The following PGAP1 variants were observed in gnomAD, a reference collection of about 807,000 sequenced individuals.
The protein encoded by PGAP1 is GPI inositol-deacylase.
PGAP1 carries 76 observed loss-of-function variants against 127.0 expected under a neutral mutation model. That is an observed-to-expected ratio of 0.60 (90% CI 0.50 to 0.72). The LOEUF is 0.72. Among genes scored for constraint, PGAP1 ranks in the 30% least tolerant of loss-of-function variants. The probability of loss-of-function intolerance (pLI) is 0.00; values close to 1 mark genes in which losing one functional copy is unlikely to be tolerated. For missense variants in PGAP1, 982 were observed against 1,071.3 expected (o/e 0.92, Z 1.16); for synonymous variants, 362 against 366.5 (o/e 0.99, Z 0.14).
rs181218165 is a variant in PGAP1 at position 196,886,352 on chromosome 2, G to A, written c.1174-472C>T. Among the ~76,000 whole-genome samples the A allele has an allele frequency of 1.1e-3, 166 of 151,894 alleles. 3 individuals carry two copies. Among genetic ancestry groups the A allele is most frequent in the Middle Eastern group, 3.4e-3 (1 of 294 alleles). On this transcript the variant is annotated intron_variant, in intron 10 of 26. Coordinates refer to ENST00000354764, the MANE Select transcript of PGAP1 (RefSeq NM_024989.4). ...ATTTTTGTATTTTTAGTAGAGACGA[G>A]GTTTCACCATGTTGGCCAGGCTGGT...
chr2:196,855,325 C>CAAAAAAAAAAAAAAAAAAAAAAA (rs112534782), intron 20 of PGAP1, among the ~76,000 whole-genome samples: 1 of 67,150 alleles, frequency 1.5e-5, no homozygotes. Context: ...ACTCTGTCAC[C>CAAAAAAAAAAAAAAAAAAAAAAA]AAAAAAAAAA....
At chr2:196,896,056 A>G (rs557195772) in intron 7 of PGAP1, among the ~76,000 whole-genome samples, 5 of 152,224 alleles carry the variant, frequency 3.3e-5, no homozygotes, top group Non-Finnish European at 5.9e-5. Context: ...AATTAAGTTA[A>G]TGGAAAGAAT....
At chr2:196,892,644 T>A (rs1009303714) in intron 8 of PGAP1, among the ~76,000 whole-genome samples, 1 of 152,068 alleles carries the variant, frequency 6.6e-6, no homozygotes, top group East Asian at 1.9e-4. Flanking sequence ...ATTATCAACA[T>A]AGGAAATAAA....
At chr2:196,879,347 C>T (rs1315404486) in intron 13 of PGAP1, among the ~76,000 whole-genome samples, 2 of 152,176 alleles carry the variant, frequency 1.3e-5, no homozygotes, top group Non-Finnish European at 2.9e-5. Context: ...ACTCTTCCCT[C>T]TGCTCCAGTT....
chr2:196,892,507 G>A, intron 8 of PGAP1, 106 bp from the exon 9 acceptor site: 1 of 547,586 alleles, frequency 1.8e-6, no homozygotes, highest in Non-Finnish European at 3.3e-6. Flanking sequence ...CAATAAAGAA[G>A]TGGTTTTCTG....
chr2:196,916,437 G>T lies in PGAP1; in HGVS notation c.458C>A (p.Thr153Lys). ...QTKFVHECIKTILKLYKGQEF... is the reference protein window; with the variant it reads ...QTKFVHECIKKILKLYKGQEF... The stretch of plus-strand genomic sequence containing the variant: ...TCTCACCTTATAGAGTTTGAGAATT[G>T]TTTTAATACATTCATGTACAAACTT... The change falls in exon 3 of 27, where the codon ACA becomes AAA. Residue 153 changes from threonine (T) to lysine (K), a missense_variant. Transcript: ENST00000354764. 6.2e-7 allele frequency: 1 copy of T among 1,611,190 alleles called. No individual in the cohort carries two copies. Among genetic ancestry groups the T allele is most frequent in the Non-Finnish European group, 8.5e-7 (1 of 1,178,908 alleles).
At position 196,873,535 on chromosome 2, in the gene PGAP1, T is replaced by A. The variant is rs758261337; in HGVS notation, c.1545A>T (p.Ala515=). The A allele has an allele frequency of 8.7e-6, 14 of 1,608,632 alleles. No individual in the cohort carries two copies. Among genetic ancestry groups the A allele is most frequent in the Non-Finnish European group, 1.2e-5 (14 of 1,177,122 alleles). ...TTTAGAAAACATATTTACCTTTGAC[T>A]GCTGAGCACTTGCTTACCACGTTGA... The part of the protein sequence containing the change: ...FKINVVSKCS[A]VKEEITSIYR... The change falls in exon 16 of 27, where the codon GCA becomes GCT. Residue 515 remains alanine, a synonymous_variant. Transcript: ENST00000354764.
rs144671403 is a variant in PGAP1 at position 196,881,270 on chromosome 2, T to C, written c.1273-1117A>G. On this transcript the variant is annotated intron_variant, in intron 12 of 26. Coordinates refer to ENST00000354764, the MANE Select transcript of PGAP1 (RefSeq NM_024989.4). ...TACATTTTCTTTATCCAGTCTACTA[T>C]TGATGGGAATTTAGGTTGATTCCAT... is the stretch of plus-strand genomic sequence containing the variant. Among the ~76,000 whole-genome samples the C allele has an allele frequency of 8.0e-3, 1,224 of 152,342 alleles. 10 individuals carry two copies. The highest frequency in any genetic ancestry group is 0.017 in the Middle Eastern group (5 of 294).
intron 4 of PGAP1, among the ~76,000 whole-genome samples, chr2:196,905,743 C>A: frequency 6.8e-6 from 1 of 146,992 alleles, no homozygotes. Context: ...AGTGTGTGCG[C>A]GCACCGTGCG....
intron 19 of PGAP1, among the ~76,000 whole-genome samples, chr2:196,870,687 T>C (rs1701383430): frequency 1.3e-5 from 2 of 152,152 alleles, no homozygotes; most frequent in African/African-American, 4.8e-5. Flanking sequence ...AGAATCACCT[T>C]AAAGCAGGGG....
rs1703063368 is a variant in PGAP1, at chr2:196,917,737, ATCAGC to A, written c.302-1149_302-1145del. Among the ~76,000 whole-genome samples the A allele has an allele frequency of 1.3e-5, 2 of 152,120 alleles. 1 individual carries two copies. Among genetic ancestry groups the A allele is most frequent in the South Asian group, 4.1e-4 (2 of 4,826 alleles). On this transcript the variant is annotated intron_variant, in intron 2 of 26. Coordinates refer to ENST00000354764, the MANE Select transcript of PGAP1 (RefSeq NM_024989.4). ...TATGTCATATTTGATTCATCTATTT[ATCAGC>A]TGATGGTCATTTAAATTATTTCCAC...
intron 13 of PGAP1, 142 bp downstream of exon 13, chr2:196,879,934 T>C (rs1559350147): frequency 1.7e-6 from 1 of 601,136 alleles, no homozygotes; most frequent in African/African-American, 2.0e-5. Context: ...TAGATGATCC[T>C]AATAATTTAA....
rs751232298 is a variant in PGAP1, at chr2:196,892,391, C to A, written c.1044G>T (p.Met348Ile). Reference protein sequence around the residue: ...AIISDLTGTSMWVLVKVSKWT... With the variant: ...AIISDLTGTSIWVLVKVSKWT... ...ATTTGGACACTTTTACTAGAACCCACATAGATGTCCCTGAAGGTAAAGGAA... is the reference window on the plus strand; with the variant it reads ...ATTTGGACACTTTTACTAGAACCCAAATAGATGTCCCTGAAGGTAAAGGAA... The change falls in exon 9 of 27, where the codon ATG (methionine) becomes ATT (isoleucine). Residue 348 changes from methionine (M) to isoleucine (I), a missense_variant. Coordinates refer to ENST00000354764, the MANE Select transcript of PGAP1 (RefSeq NM_024989.4). The A allele has an allele frequency of 1.4e-6, 2 of 1,448,828 alleles. No homozygotes were observed. The highest frequency in any genetic ancestry group is 1.4e-5 in the African/African-American group (1 of 70,150). The allele number at this position is 1,448,828 out of a possible 1,614,324, so 89.7% of individuals were successfully genotyped here.
intron 1 of PGAP1, 80 bp from the exon 2 acceptor site, chr2:196,920,230 C>T (rs991976308): frequency 2.4e-5 from 31 of 1,276,354 alleles, no homozygotes; most frequent in East Asian, 1.4e-4. Context: ...TTCTGAATTA[C>T]GCAAATTTGA....
intron 19 of PGAP1, among the ~76,000 whole-genome samples, chr2:196,869,179 G>A (rs1017006948): frequency 2.0e-5 from 3 of 152,240 alleles, no homozygotes; most frequent in East Asian, 3.9e-4. Context: ...GTATCAAGCT[G>A]ACTTGACTTT....
intron 6 of PGAP1, among the ~76,000 whole-genome samples, chr2:196,898,088 A>C (rs962608149): frequency 1.3e-5 from 2 of 152,120 alleles, no homozygotes; most frequent in African/African-American, 4.8e-5. Flanking sequence ...ATGATGGCAC[A>C]TGCCTGTAAT....
chr2:196,885,367 G>T, intron 12 of PGAP1, 57 bp downstream of exon 12: 2 of 1,173,888 alleles, frequency 1.7e-6, no homozygotes, highest in South Asian at 1.4e-5. Flanking sequence ...TTTAAAATGT[G>T]TATAGACTCA....
chr2:196,898,415 T>C (rs1702359861), intron 5 of PGAP1, 46 bp from the exon 6 acceptor site: 6 of 1,341,932 alleles, frequency 4.5e-6, no homozygotes, highest in Non-Finnish European at 6.4e-6. Flanking sequence ...ACATTTGTTA[T>C]TCTCTAAAAG....
At position 196,844,506 on chromosome 2, in the gene PGAP1, T is replaced by A. The variant is rs773254564; in HGVS notation, c.2337+18A>T. 3 of 1,569,054 alleles carry A rather than the reference T, an allele frequency of 1.9e-6. No homozygotes were observed. The highest frequency in any genetic ancestry group is 2.7e-5 in the African/African-American group (2 of 72,940). ...CTTTCATTTTAAATTTATGTAGAGT[T>A]TTGAAAATAAAACTTACCACAGGCT... is the stretch of plus-strand genomic sequence containing the variant. On this transcript the variant is annotated intron_variant, in intron 24 of 26. Transcript: ENST00000354764.
Sources: allele counts gnomAD v4.1 joint callset (sites outside exome capture counted in the v4.1 genomes callset), GRCh38; gene constraint gnomAD v4.1.1; transcripts MANE v1.5; gene names NCBI Gene and HGNC (gene_info 2026-07-23, HGNC 2026-07-21).